Variants in BTRC observed in about 807,000 individuals in gnomAD.
The protein encoded by BTRC is beta-transducin repeat containing E3 ubiquitin protein ligase, also known as F-box/WD repeat-containing protein 1A.
A neutral mutation model predicts 85.5 loss-of-function variants in BTRC; 42 were observed. The ratio of observed to expected loss-of-function variants is 0.49; its 90% CI spans 0.38 to 0.64. The LOEUF (loss-of-function observed/expected upper bound fraction) is 0.64, where lower values mean the gene tolerates loss of function less well. BTRC is among the 30% of genes least tolerant of loss of function. The pLI, the probability that BTRC is intolerant of heterozygous loss-of-function variation, is 0.00. For missense variants in BTRC, 594 were observed against 743.5 expected (o/e 0.80, Z 2.34); for synonymous variants, 255 against 263.3 (o/e 0.97, Z 0.30).
At chr10:101,367,043 AAT>A (rs1164265902) in intron 1 of BTRC, among the ~76,000 whole-genome samples, 5,040 of 41,918 alleles carry the variant, frequency 0.12, 448 homozygotes, top group Non-Finnish European at 0.17. Flanking sequence ...TATATATATA[AAT>A]ATATATATAT....
intron 3 of BTRC, among the ~76,000 whole-genome samples, chr10:101,478,975 A>G (rs1945767249): frequency 6.6e-6 from 1 of 151,700 alleles, no homozygotes. Context: ...ATGCCCTCTA[A>G]CTACCTTCAG....
chr10:101,473,763 A>G (rs1945602333), intron 3 of BTRC, among the ~76,000 whole-genome samples: 1 of 149,450 alleles, frequency 6.7e-6, no homozygotes, highest in Non-Finnish European at 1.5e-5. Context: ...GGCCTGGCCA[A>G]TTTTTTCTAT....
chr10:101,510,353 A>G (rs1241141410), intron 4 of BTRC, among the ~76,000 whole-genome samples: 1 of 151,854 alleles, frequency 6.6e-6, no homozygotes, highest in Non-Finnish European at 1.5e-5. Context: ...CTAAAAATAC[A>G]AAAAAATTTA....
At chr10:101,477,424 G>C (rs1159771387) in intron 3 of BTRC, among the ~76,000 whole-genome samples, 1 of 152,042 alleles carries the variant, frequency 6.6e-6, no homozygotes, top group Non-Finnish European at 1.5e-5. Flanking sequence ...TTAATATATT[G>C]TCCAGTAATT....
At chr10:101,390,624 G>A (rs1271513876) in intron 1 of BTRC, among the ~76,000 whole-genome samples, 1 of 151,948 alleles carries the variant, frequency 6.6e-6, no homozygotes, top group Non-Finnish European at 1.5e-5. Context: ...GAGCCACCAT[G>A]CCTGGCCTGG....
chr10:101,511,932 T>C (rs1307077188), intron 4 of BTRC, among the ~76,000 whole-genome samples: 1 of 152,210 alleles, frequency 6.6e-6, no homozygotes, highest in Non-Finnish European at 1.5e-5. Flanking sequence ...ATTACAGGCA[T>C]GAGCTGCTAC....
chr10:101,372,270 T>C (rs572012899), intron 1 of BTRC, among the ~76,000 whole-genome samples: 6 of 151,566 alleles, frequency 4.0e-5, no homozygotes, highest in South Asian at 4.2e-4. Context: ...TTTTCTTTTT[T>C]TTTTTAAATG....
intron 1 of BTRC, among the ~76,000 whole-genome samples, chr10:101,371,851 A>G (rs1273333403): frequency 2.0e-5 from 3 of 151,212 alleles, no homozygotes; most frequent in Non-Finnish European, 2.9e-5. Flanking sequence ...TTCTTTCTCC[A>G]TGCCAGACAG....
At chr10:101,388,380 A>G (rs992659664) in intron 1 of BTRC, among the ~76,000 whole-genome samples, 2 of 151,478 alleles carry the variant, frequency 1.3e-5, no homozygotes, top group Non-Finnish European at 2.9e-5. Flanking sequence ...TTTTGTAGAG[A>G]CAGGGTCTCT....
chr10:101,531,707 C>T (rs1031936857), intron 7 of BTRC, among the ~76,000 whole-genome samples: 9 of 145,786 alleles, frequency 6.2e-5, no homozygotes, highest in Admixed American at 2.1e-4. Context: ...AACGACAGAG[C>T]GAGACTCCAT....
At chr10:101,542,582 TTTTG>T (rs1205630602) in intron 13 of BTRC, among the ~76,000 whole-genome samples, 1 of 152,194 alleles carries the variant, frequency 6.6e-6, no homozygotes, top group Non-Finnish European at 1.5e-5. Flanking sequence ...GCTTCGTGGT[TTTTG>T]TTTGAGACAG....
At chr10:101,495,174 G>A (rs1946229102) in intron 4 of BTRC, among the ~76,000 whole-genome samples, 1 of 152,172 alleles carries the variant, frequency 6.6e-6, no homozygotes, top group South Asian at 2.1e-4. Flanking sequence ...CATCCATGAA[G>A]AGAAAAATAA....
At chr10:101,430,590 G>A in intron 2 of BTRC, 138 bp downstream of exon 2, 1 of 640,726 alleles carries the variant, frequency 1.6e-6, no homozygotes, top group Non-Finnish European at 2.7e-6. Context: ...ACATCACTCA[G>A]TACTCCTTTA....
intron 1 of BTRC, among the ~76,000 whole-genome samples, chr10:101,371,570 T>C (rs867544496): frequency 2.0e-5 from 3 of 152,264 alleles, no homozygotes; most frequent in Non-Finnish European, 4.4e-5. Context: ...CTTATTTTAC[T>C]TGATGTCCTC....
At chr10:101,440,470 C>G (rs1944651104) in intron 2 of BTRC, among the ~76,000 whole-genome samples, 1 of 152,074 alleles carries the variant, frequency 6.6e-6, no homozygotes, top group African/African-American at 2.4e-5. Flanking sequence ...CCTATAATCT[C>G]AATACTTTGG....
chr10:101,515,790 C>T (rs147785624), intron 4 of BTRC, among the ~76,000 whole-genome samples: 35 of 152,264 alleles, frequency 2.3e-4, no homozygotes, highest in African/African-American at 7.7e-4. Flanking sequence ...GGATTATAGG[C>T]GTGAGCCACT....
chr10:101,538,397 A>G (rs2062418717), intron 13 of BTRC, 26 bp downstream of exon 13: 13 of 1,576,148 alleles, frequency 8.2e-6, no homozygotes, highest in Non-Finnish European at 1.1e-5. Flanking sequence ...TTTAGAGAGC[A>G]TTGGAGAGCA....
At chr10:101,392,481 A>G (rs574244014) in intron 1 of BTRC, among the ~76,000 whole-genome samples, 2 of 152,240 alleles carry the variant, frequency 1.3e-5, no homozygotes, top group South Asian at 4.2e-4. Context: ...AAATTAATTG[A>G]AAGTTTTTTG....
chr10:101,525,947 C>T (rs1203900456), intron 5 of BTRC, 66 bp from the exon 6 acceptor site: 6 of 1,479,276 alleles, frequency 4.1e-6, no homozygotes, highest in Non-Finnish European at 4.6e-6. Flanking sequence ...TTTTAAAGGA[C>T]CTTTTGTAAA....
Sources: allele counts gnomAD v4.1 joint callset (sites outside exome capture counted in the v4.1 genomes callset), GRCh38; gene constraint gnomAD v4.1.1; transcripts MANE v1.5; gene names NCBI Gene and HGNC (gene_info 2026-07-23, HGNC 2026-07-21).